The following DGKI variants were observed in gnomAD, a reference collection of about 807,000 sequenced individuals.
DGKI encodes the protein DAG kinase iota.
DGKI carries 55 observed loss-of-function variants against 147.5 expected under a neutral mutation model. That is an observed-to-expected ratio of 0.37 (90% CI 0.30 to 0.47). The LOEUF (loss-of-function observed/expected upper bound fraction) is 0.47. DGKI is among the 20% of genes least tolerant of loss of function. The pLI is 1.00. For missense variants in DGKI, 1,007 were observed against 1,323.8 expected (o/e 0.76, Z 3.71); for synonymous variants, 469 against 477.1 (o/e 0.98, Z 0.22).
intron 6 of DGKI, among the ~76,000 whole-genome samples, chr7:137,634,875 A>G (rs1053728823): frequency 2.0e-5 from 3 of 152,226 alleles, no homozygotes; most frequent in African/African-American, 7.2e-5. Flanking sequence ...CCTCATGGGC[A>G]TAACTTCAGG....
intron 1 of DGKI, among the ~76,000 whole-genome samples, chr7:137,768,088 G>C (rs1282307511): frequency 6.6e-6 from 1 of 152,094 alleles, no homozygotes; most frequent in Non-Finnish European, 1.5e-5. Context: ...ACATATATGA[G>C]GAAGCTACAG....
chr7:137,623,501 A>G lies in DGKI; in HGVS notation c.858T>C (p.Cys286=). ...ATCTTACCGCCTGCTTGCACCAGGAACAGCTGATAGCCACAATCTCTTTAC... is the reference window on the plus strand; with the variant it reads ...ATCTTACCGCCTGCTTGCACCAGGAGCAGCTGATAGCCACAATCTCTTTAC... ...FHSKEIVAIS[C]SWCKQAFHNK... is the part of the protein sequence containing the mutation. Residue 286 remains cysteine, a synonymous_variant, in exon 7 of 33, where the codon TGT becomes TGC. Transcript: ENST00000614521. The G allele has an allele frequency of 6.2e-7, 1 of 1,614,052 alleles. No homozygotes were observed. The highest frequency in any genetic ancestry group is 8.5e-7 in the Non-Finnish European group (1 of 1,179,906).
intron 20 of DGKI, among the ~76,000 whole-genome samples, chr7:137,541,979 G>A (rs1337641732): frequency 6.6e-6 from 1 of 152,058 alleles, no homozygotes; most frequent in Non-Finnish European, 1.5e-5. Flanking sequence ...TACTGGGAGA[G>A]AATGTCTGCA....
intron 31 of DGKI, 85 bp from the exon 32 acceptor site, chr7:137,395,782 C>A: frequency 1.6e-6 from 2 of 1,219,768 alleles, no homozygotes; most frequent in Non-Finnish European, 2.4e-6. Context: ...GTAGGGTGCT[C>A]CTCAGCCTCC....
At chr7:137,572,481 T>G (rs921298914) in intron 18 of DGKI, among the ~76,000 whole-genome samples, 1 of 152,196 alleles carries the variant, frequency 6.6e-6, no homozygotes, top group Non-Finnish European at 1.5e-5. Flanking sequence ...GGAAGAACAG[T>G]AATTTAGAAA....
intron 2 of DGKI, among the ~76,000 whole-genome samples, chr7:137,681,362 A>G (rs1823230250): frequency 6.6e-6 from 1 of 152,198 alleles, no homozygotes; most frequent in South Asian, 2.1e-4. Context: ...ATGGGTTCAG[A>G]CCCTAAAAGT....
At chr7:137,521,786 A>G in intron 21 of DGKI, 80 bp downstream of exon 21, 1 of 984,972 alleles carries the variant, frequency 1.0e-6, no homozygotes, top group South Asian at 1.4e-5. Flanking sequence ...GGATAAATGA[A>G]TCTACCCATC....
At chr7:137,583,978 C>T (rs1225842820) in intron 14 of DGKI, among the ~76,000 whole-genome samples, 1 of 152,058 alleles carries the variant, frequency 6.6e-6, no homozygotes, top group Non-Finnish European at 1.5e-5. Flanking sequence ...ATGTTTTAAT[C>T]TAATTTAGCC....
At chr7:137,814,928 T>C (rs1018473290) in intron 1 of DGKI, among the ~76,000 whole-genome samples, 1 of 152,166 alleles carries the variant, frequency 6.6e-6, no homozygotes, top group Non-Finnish European at 1.5e-5. Context: ...TTCCTGCCAC[T>C]GGATTACTCA....
rs1554422818 is a variant in DGKI at position 137,523,451 on chromosome 7, TCACA to T, written c.2148-1489_2148-1486del. Among the ~76,000 whole-genome samples the T allele has an allele frequency of 1.3e-4, 19 of 151,088 alleles. 1 individual carries two copies. In the South Asian group the frequency reaches 4.0e-3, roughly 32 times the overall value. ...CTCTCTCTTTCTCTCTCTCTCTCTC[TCACA>T]CACACACAGACAGAGAGAGAGATTT... is the stretch of plus-strand genomic sequence containing the variant. On this transcript the variant is annotated intron_variant, in intron 20 of 32. Coordinates refer to ENST00000614521, the MANE Select transcript of DGKI (RefSeq NM_001321708.2).
At chr7:137,444,419 G>A (rs1813633501) in intron 27 of DGKI, among the ~76,000 whole-genome samples, 1 of 152,210 alleles carries the variant, frequency 6.6e-6, no homozygotes. Context: ...GAAATCCTGT[G>A]ATGTGTATTG....
intron 3 of DGKI, among the ~76,000 whole-genome samples, chr7:137,656,897 A>T (rs1822246900): frequency 6.6e-6 from 1 of 152,122 alleles, no homozygotes; most frequent in South Asian, 2.1e-4. Flanking sequence ...ATTCTCTTCC[A>T]TTTTAAAATA....
intron 21 of DGKI, among the ~76,000 whole-genome samples, chr7:137,491,170 T>A (rs1161080805): frequency 2.0e-5 from 3 of 152,120 alleles, no homozygotes; most frequent in African/African-American, 7.2e-5. Flanking sequence ...AAACTGGCAG[T>A]ACCGGGTGCC....
chr7:137,577,566 C>T (rs1819028468), intron 16 of DGKI, among the ~76,000 whole-genome samples: 1 of 152,132 alleles, frequency 6.6e-6, no homozygotes, highest in Non-Finnish European at 1.5e-5. Flanking sequence ...TTTTGACAAC[C>T]TTTTCTGAAC....
chr7:137,846,321 C>A lies in DGKI; in HGVS notation c.401+141G>T. On this transcript the variant is annotated intron_variant, in intron 1 of 32. Transcript: ENST00000614521. This position sits in a 1 kb window ranked among gnomAD's most constrained non-coding sequence, Gnocchi z 4.0. ...TAGGATGGGGAGAAGACAGACATCC[C>A]CGGGAGGAGAGGGGGAAAGGGGGAA... The A allele has an allele frequency of 1.9e-6, 1 of 525,862 alleles. No homozygotes were observed. 32.6% of individuals were successfully genotyped at this position (525,862 alleles called of 1,614,324 possible).
rs982299493 is a variant in DGKI at position 137,567,578 on chromosome 7, T to C, written c.1947+3597A>G. On this transcript the variant is annotated intron_variant, in intron 19 of 32. Transcript: ENST00000614521. Reference sequence around the variant, plus strand: ...ACAAATGACCAGTTTCTTCAATAAATAAATGAGGAAGAGTTGAAGGGGAAA... The same window carrying C: ...ACAAATGACCAGTTTCTTCAATAAACAAATGAGGAAGAGTTGAAGGGGAAA... 4.6e-5 allele frequency among the ~76,000 whole-genome samples: 7 copies of C among 152,172 alleles called. No homozygotes were observed. The East Asian group carries it at 1.4e-3, about 29-fold the overall frequency.
At chr7:137,711,625 G>A (rs1156843563) in intron 1 of DGKI, among the ~76,000 whole-genome samples, 2 of 151,004 alleles carry the variant, frequency 1.3e-5, no homozygotes, top group Non-Finnish European at 2.9e-5. Flanking sequence ...TGCCTGAACT[G>A]GAATTCGGGT....
At chr7:137,678,480 G>T in intron 3 of DGKI, 77 bp downstream of exon 3, 1 of 1,417,112 alleles carries the variant, frequency 7.1e-7, no homozygotes, top group Non-Finnish European at 1.0e-6. Flanking sequence ...ACCTCCCCTT[G>T]GAAATTTAGG....
At chr7:137,791,328 C>A (rs933925115) in intron 1 of DGKI, among the ~76,000 whole-genome samples, 2 of 152,122 alleles carry the variant, frequency 1.3e-5, no homozygotes, top group African/African-American at 4.8e-5. Flanking sequence ...CTTAAATGTG[C>A]CTGATTATTT....
Sources: allele counts gnomAD v4.1 joint callset (sites outside exome capture counted in the v4.1 genomes callset), GRCh38; gene constraint gnomAD v4.1.1; non-coding constraint Gnocchi (gnomAD v3.1); transcripts MANE v1.5; gene names NCBI Gene and HGNC (gene_info 2026-07-23, HGNC 2026-07-21).